Variants in KCNMB2 observed in about 807,000 individuals in gnomAD.
KCNMB2 encodes the protein potassium calcium-activated channel subfamily M regulatory beta subunit 2, also known as calcium-activated potassium channel subunit beta-2.
In KCNMB2, 9 loss-of-function variants were observed where a neutral mutation model predicts 24.5. That is an observed-to-expected ratio of 0.37 (90% CI 0.22 to 0.64). The LOEUF (loss-of-function observed/expected upper bound fraction) is 0.64. Among genes scored for constraint, KCNMB2 ranks in the 30% least tolerant of loss-of-function variants. The pLI, the probability that KCNMB2 is intolerant of heterozygous loss-of-function variation, is 0.63. For missense variants in KCNMB2, 226 were observed against 284.3 expected, an observed-to-expected ratio of 0.79 and a Z score of 1.47; for synonymous variants, 109 against 104.4, an observed-to-expected ratio of 1.04 and a Z score of -0.27.
chr3:178,783,393 T>A (rs1030221657), intron 1 of KCNMB2, among the ~76,000 whole-genome samples: 16 of 150,828 alleles, frequency 1.1e-4, no homozygotes, highest in African/African-American at 3.9e-4. Flanking sequence ...AGTATGGCCA[T>A]TTTCACGATA....
intron 1 of KCNMB2, among the ~76,000 whole-genome samples, chr3:178,703,485 C>A (rs144515509): frequency 1.3e-4 from 20 of 150,500 alleles, no homozygotes; most frequent in Non-Finnish European, 2.2e-4. Flanking sequence ...TATGGAGACC[C>A]TGGTAAGTCC....
chr3:178,749,114 G>A (rs1165121088), intron 1 of KCNMB2: 1 of 152,182 alleles, frequency 6.6e-6, no homozygotes, highest in Non-Finnish European at 1.5e-5. Context: ...ACAAACCTCA[G>A]TTCAAATCCT....
At chr3:178,731,572 C>A (rs1723151080) in intron 1 of KCNMB2, among the ~76,000 whole-genome samples, 3 of 152,228 alleles carry the variant, frequency 2.0e-5, no homozygotes, top group Non-Finnish European at 4.4e-5. Flanking sequence ...GATGGAAGTA[C>A]AAAACAACCT....
At chr3:178,677,949 C>T (rs1466868279) in intron 1 of KCNMB2, among the ~76,000 whole-genome samples, 1 of 152,096 alleles carries the variant, frequency 6.6e-6, no homozygotes, top group African/African-American at 2.4e-5. Context: ...GTAGAGACTT[C>T]GCATTTAAAT....
chr3:178,644,681 A>G (rs1466408742), intron 1 of KCNMB2, among the ~76,000 whole-genome samples: 1 of 152,230 alleles, frequency 6.6e-6, no homozygotes, highest in Non-Finnish European at 1.5e-5. Flanking sequence ...AGTTTCTGCC[A>G]TAGACCCATG....
intron 1 of KCNMB2, among the ~76,000 whole-genome samples, chr3:178,654,533 G>A (rs1375841738): frequency 2.6e-5 from 4 of 152,052 alleles, no homozygotes; most frequent in East Asian, 1.9e-4. Context: ...GAATGAGATC[G>A]AAAACCACAA....
At chr3:178,645,045 A>ATTTTTTTTTTTTTTTTTTTTT in intron 1 of KCNMB2, among the ~76,000 whole-genome samples, 1 of 92,440 alleles carries the variant, frequency 1.1e-5, no homozygotes, top group Non-Finnish European at 2.1e-5. Flanking sequence ...AAGATCCAAG[A>ATTTTTTTTTTTTTTTTTTTTT]TTTTTTTTTT....
At chr3:178,559,733 A>G (rs955554750) in intron 1 of KCNMB2, among the ~76,000 whole-genome samples, 1 of 149,578 alleles carries the variant, frequency 6.7e-6, no homozygotes. Context: ...TCAAACTGAC[A>G]GCAATTCATG....
intron 2 of KCNMB2, chr3:178,820,497 C>T (rs1714581949): frequency 6.5e-6 from 1 of 153,056 alleles, no homozygotes; most frequent in Admixed American, 6.5e-5. Context: ...ATACTTTTCT[C>T]CTTCTCTTTA....
chr3:178,606,295 G>A (rs918966924), intron 1 of KCNMB2, among the ~76,000 whole-genome samples: 5 of 152,116 alleles, frequency 3.3e-5, no homozygotes, highest in African/African-American at 1.2e-4. Flanking sequence ...AGTTTCAACT[G>A]GTTAGACAGG....
At chr3:178,823,314 G>C (rs1332462213) in intron 2 of KCNMB2, among the ~76,000 whole-genome samples, 3 of 152,162 alleles carry the variant, frequency 2.0e-5, no homozygotes, top group Non-Finnish European at 4.4e-5. Context: ...AACAATGAAA[G>C]ATATGGGCTC....
At chr3:178,819,049 G>C (rs1714519652) in intron 2 of KCNMB2, among the ~76,000 whole-genome samples, 1 of 152,172 alleles carries the variant, frequency 6.6e-6, no homozygotes. Context: ...AACCACCTTT[G>C]AGCTTGTAAA....
intron 1 of KCNMB2, among the ~76,000 whole-genome samples, chr3:178,769,477 G>A (rs1446719222): frequency 6.6e-6 from 1 of 152,136 alleles, no homozygotes; most frequent in Non-Finnish European, 1.5e-5. Flanking sequence ...CGAGCATAAG[G>A]TAAAAATAAC....
At chr3:178,589,908 A>T (rs1717596848) in intron 1 of KCNMB2, among the ~76,000 whole-genome samples, 1 of 152,178 alleles carries the variant, frequency 6.6e-6, no homozygotes, top group Admixed American at 6.5e-5. Context: ...GAGATCTCAA[A>T]ACTCTCTTTT....
At chr3:178,650,342 G>A (rs985975290) in intron 1 of KCNMB2, among the ~76,000 whole-genome samples, 8 of 152,134 alleles carry the variant, frequency 5.3e-5, no homozygotes, top group African/African-American at 1.7e-4. Flanking sequence ...GGAGAGTTCT[G>A]TAGATGTCTA....
intron 1 of KCNMB2, among the ~76,000 whole-genome samples, chr3:178,680,987 T>C (rs1418236607): frequency 1.3e-5 from 2 of 152,166 alleles, no homozygotes; most frequent in African/African-American, 4.8e-5. Context: ...AGGAGGCAGA[T>C]TGTGACTTTT....
intron 4 of KCNMB2, among the ~76,000 whole-genome samples, chr3:178,839,873 G>A (rs532516376): frequency 1.7e-4 from 26 of 152,104 alleles, no homozygotes; most frequent in South Asian, 6.2e-4. Context: ...ATTCTGCCCC[G>A]GCTCTTCCCA....
chr3:178,538,482 A>G (rs1715481392), intron 1 of KCNMB2, among the ~76,000 whole-genome samples: 2 of 152,180 alleles, frequency 1.3e-5, no homozygotes, highest in Admixed American at 1.3e-4. Context: ...TATTATTTCT[A>G]TTATTTTCAT....
chr3:178,813,615 T>TCTTA (rs1714281085), intron 2 of KCNMB2, among the ~76,000 whole-genome samples: 1 of 152,194 alleles, frequency 6.6e-6, no homozygotes. Flanking sequence ...TGTGTTACAC[T>TCTTA]CTTACTCTAT....
Sources: allele counts gnomAD v4.1 joint callset (sites outside exome capture counted in the v4.1 genomes callset), GRCh38; gene constraint gnomAD v4.1.1; transcripts MANE v1.5; gene names NCBI Gene and HGNC (gene_info 2026-07-23, HGNC 2026-07-21).